OSBPL10: variants seen among roughly 807,000 people sequenced by gnomAD.
OSBPL10 encodes oxysterol binding protein like 10.
OSBPL10 carries 49 observed loss-of-function variants against 81.7 expected under a neutral mutation model. The observed-to-expected ratio is 0.60, with a 90% CI of 0.48 to 0.76. The LOEUF (loss-of-function observed/expected upper bound fraction) is 0.76. Among genes scored for constraint, OSBPL10 ranks in the 30% least tolerant of loss-of-function variants. OSBPL10 has a pLI of 0.00. For missense variants in OSBPL10, 923 were observed against 987.8 expected, an observed-to-expected ratio of 0.93 and a Z score of 0.88; for synonymous variants, 419 against 383.6, an observed-to-expected ratio of 1.09 and a Z score of -1.08.
At chr3:31,673,816 C>T (rs1158418043) in intron 8 of OSBPL10, among the ~76,000 whole-genome samples, 3 of 152,034 alleles carry the variant, frequency 2.0e-5, no homozygotes, top group Non-Finnish European at 4.4e-5. Context: ...TTTTTGGAGA[C>T]AGGGTCCCAC....
At chr3:31,915,229 T>C (rs1201080699) in intron 1 of OSBPL10, among the ~76,000 whole-genome samples, 2 of 151,948 alleles carry the variant, frequency 1.3e-5, no homozygotes, top group African/African-American at 4.8e-5. Context: ...ATGAATAAAA[T>C]TTCCTCTTAT....
chr3:31,765,120 T>C (rs1484361064), intron 4 of OSBPL10, among the ~76,000 whole-genome samples: 2 of 152,074 alleles, frequency 1.3e-5, no homozygotes, highest in Non-Finnish European at 2.9e-5. Flanking sequence ...TGGCCTCAGA[T>C]AGTCCTCCCA....
At chr3:31,873,081 C>T (rs923570378) in intron 3 of OSBPL10, among the ~76,000 whole-genome samples, 8 of 152,004 alleles carry the variant, frequency 5.3e-5, no homozygotes, top group African/African-American at 1.9e-4. Flanking sequence ...AAGGGGGTAA[C>T]GAGGGAACCT....
At chr3:31,961,047 CTTTTTT>C (rs35027814) in intron 1 of OSBPL10, among the ~76,000 whole-genome samples, 26 of 112,982 alleles carry the variant, frequency 2.3e-4, no homozygotes, top group Middle Eastern at 4.6e-3. Flanking sequence ...AAGCTACAGC[CTTTTTT>C]TTTTTTTTTT....
At chr3:32,038,919 A>G (rs1396917373) in intron 2 of OSBPL10, among the ~76,000 whole-genome samples, 1 of 152,238 alleles carries the variant, frequency 6.6e-6, no homozygotes. Flanking sequence ...CTAGAAGTTA[A>G]GGTGGACTAA....
At chr3:32,075,229 G>A (rs530166206) in intron 1 of OSBPL10, among the ~76,000 whole-genome samples, 8 of 152,212 alleles carry the variant, frequency 5.3e-5, no homozygotes, top group East Asian at 1.9e-4. Context: ...CTCCAGAACC[G>A]CCAAAGCCTT....
intron 2 of OSBPL10, among the ~76,000 whole-genome samples, chr3:32,007,970 G>A (rs548343508): frequency 6.6e-6 from 1 of 152,152 alleles, no homozygotes; most frequent in Admixed American, 6.5e-5. Context: ...CTCCCAAAGT[G>A]CTGGGATTAC....
At chr3:32,004,780 A>C (rs1699187369) in intron 2 of OSBPL10, among the ~76,000 whole-genome samples, 1 of 152,274 alleles carries the variant, frequency 6.6e-6, no homozygotes, top group South Asian at 2.1e-4. Flanking sequence ...TGTATGGCTT[A>C]GCCTCTAAAA....
At chr3:32,012,317 C>T (rs1699268011) in intron 2 of OSBPL10, among the ~76,000 whole-genome samples, 1 of 152,142 alleles carries the variant, frequency 6.6e-6, no homozygotes, top group Non-Finnish European at 1.5e-5. Context: ...AATTTTCAAC[C>T]CAGAATTTCA....
Position 31,905,345 on chromosome 3 carries a change from A to ATTTTTTTTTTTTTTTTTTTTTTTT in OSBPL10, c.282-25516_282-25515insAAAAAAAAAAAAAAAAAAAAAAAA, listed in dbSNP as rs386396290. On this transcript the variant is annotated intron_variant, in intron 1 of 11. Coordinates refer to ENST00000396556, the MANE Select transcript of OSBPL10 (RefSeq NM_017784.5). ...GAGCTCTATGTCAAGGAACCTGGTG[A>ATTTTTTTTTTTTTTTTTTTTTTTT]TTTTTTTTTTTTTTTTTTTTTTTAG... Among the ~76,000 whole-genome samples, 70 of 94,812 alleles carry ATTTTTTTTTTTTTTTTTTTTTTTT rather than the reference A, an allele frequency of 7.4e-4. 7 individuals carry two copies. The highest frequency in any genetic ancestry group is 2.5e-3 in the Admixed American group (18 of 7,094). 62.2% of individuals were successfully genotyped at this position (94,812 alleles called of 152,430 possible).
chr3:31,852,844 G>A (rs780892936), intron 3 of OSBPL10, among the ~76,000 whole-genome samples: 15 of 152,068 alleles, frequency 9.9e-5, no homozygotes, highest in Non-Finnish European at 1.5e-4. Context: ...CTCCCTAAGG[G>A]CTGGGATTAC....
chr3:31,788,735 A>T (rs567804790), intron 4 of OSBPL10, among the ~76,000 whole-genome samples: 1 of 152,194 alleles, frequency 6.6e-6, no homozygotes, highest in East Asian at 1.9e-4. Flanking sequence ...CTATGATGCC[A>T]CCTGTGCACT....
intron 1 of OSBPL10, among the ~76,000 whole-genome samples, chr3:32,057,816 AAGAGTAACAT>A (rs996041442): frequency 6.6e-6 from 1 of 152,196 alleles, no homozygotes; most frequent in Admixed American, 6.5e-5. Flanking sequence ...AATGGGAGTC[AAGAGTAACAT>A]AGAGGCCCTC....
At chr3:31,719,855 A>G (rs911605395) in intron 6 of OSBPL10, among the ~76,000 whole-genome samples, 10 of 152,042 alleles carry the variant, frequency 6.6e-5, no homozygotes, top group Admixed American at 2.6e-4. Context: ...TAAATAAAAT[A>G]TAATACATAA....
chr3:31,701,464 T>C (rs1338096641), intron 7 of OSBPL10, among the ~76,000 whole-genome samples: 1 of 152,202 alleles, frequency 6.6e-6, no homozygotes, highest in Non-Finnish European at 1.5e-5. Flanking sequence ...AAGGATAAGA[T>C]GGTGACGCAC....
chr3:31,954,101 T>C (rs1316950572), intron 1 of OSBPL10, among the ~76,000 whole-genome samples: 1 of 152,242 alleles, frequency 6.6e-6, no homozygotes, highest in Non-Finnish European at 1.5e-5. Context: ...TCTGGGTTCA[T>C]CCTTTAACCC....
chr3:31,725,303 T>C (rs1696773895), intron 6 of OSBPL10, among the ~76,000 whole-genome samples: 1 of 152,118 alleles, frequency 6.6e-6, no homozygotes, highest in African/African-American at 2.4e-5. Context: ...ATAACAACAT[T>C]ATGGCTCTTT....
chr3:31,829,945 A>G lies in OSBPL10; in HGVS notation c.729+95T>C, dbSNP rs1407887718. ...TTTGCTGCTGGTCCTCTCTCCATAA[A>G]TCAAGACGGCGCAAAGGAAGAGGAG... On this transcript the variant is annotated intron_variant, in intron 4 of 11. Transcript: ENST00000396556. The G allele has an allele frequency of 4.6e-6, 6 of 1,292,564 alleles. No homozygotes were observed. The Admixed American group carries it at 8.2e-5, about 18-fold the overall frequency. The allele number at this position is 1,292,564 out of a possible 1,614,324, so 80.1% of individuals were successfully genotyped here. A position where few individuals can be genotyped will look rare whatever the true frequency, so the allele number is the denominator to read the frequency against.
At chr3:31,927,849 T>C (rs1697120130) in intron 1 of OSBPL10, among the ~76,000 whole-genome samples, 1 of 152,202 alleles carries the variant, frequency 6.6e-6, no homozygotes, top group Non-Finnish European at 1.5e-5. Context: ...ACAGAGTCTG[T>C]AGCCCGTGAA....
Sources: gnomAD v4.1 joint callset for allele counts (sites outside exome capture counted in the v4.1 genomes callset) on GRCh38, gnomAD v4.1.1 for gene constraint, MANE v1.5 for transcripts, NCBI Gene and HGNC (gene_info 2026-07-23, HGNC 2026-07-21) for gene names.